IMMP2L: variants seen among roughly 807,000 people sequenced by gnomAD.
The protein encoded by IMMP2L is inner mitochondrial membrane peptidase subunit 2.
In IMMP2L, 18 loss-of-function variants were observed where a neutral mutation model predicts 19.3. The observed-to-expected ratio is 0.93, with a 90% CI of 0.64 to 1.38. The LOEUF is 1.38. Among genes scored for constraint, IMMP2L ranks in the 40% most tolerant of loss-of-function variants. The pLI, the probability that IMMP2L is intolerant of heterozygous loss-of-function variation, is 0.00. For missense variants in IMMP2L, 233 were observed against 218.2 expected, an observed-to-expected ratio of 1.07 and a Z score of -0.43; for synonymous variants, 76 against 73.0, an observed-to-expected ratio of 1.04 and a Z score of -0.21.
At chr7:111,353,490 AC>A (rs1227358789) in intron 3 of IMMP2L, among the ~76,000 whole-genome samples, 39 of 152,216 alleles carry the variant, frequency 2.6e-4, no homozygotes, top group African/African-American at 9.4e-4. Flanking sequence ...AAAACTCAAA[AC>A]CCTTTTCTAT....
At chr7:111,108,965 G>T (rs1798865410) in intron 3 of IMMP2L, among the ~76,000 whole-genome samples, 2 of 152,122 alleles carry the variant, frequency 1.3e-5, no homozygotes, top group Non-Finnish European at 2.9e-5. Flanking sequence ...GAATAAAACG[G>T]AAACAACTTT....
chr7:110,778,002 C>T (rs1799505409), intron 5 of IMMP2L, among the ~76,000 whole-genome samples: 2 of 151,920 alleles, frequency 1.3e-5, no homozygotes, highest in African/African-American at 4.8e-5. Flanking sequence ...CTTAAAACTT[C>T]TTGGCAGTTT....
intron 5 of IMMP2L, among the ~76,000 whole-genome samples, chr7:110,754,109 TAATC>T (rs2130933586): frequency 6.6e-6 from 1 of 152,102 alleles, no homozygotes; most frequent in East Asian, 1.9e-4. Flanking sequence ...TTCCATCAAA[TAATC>T]TATCTATTTT....
At chr7:110,860,274 A>G (rs1481246529) in intron 5 of IMMP2L, among the ~76,000 whole-genome samples, 1 of 152,120 alleles carries the variant, frequency 6.6e-6, no homozygotes, top group Non-Finnish European at 1.5e-5. Flanking sequence ...CCTAAGATTT[A>G]AAAAATATTT....
chr7:111,309,705 A>G (rs183989182), intron 3 of IMMP2L, among the ~76,000 whole-genome samples: 10 of 152,272 alleles, frequency 6.6e-5, no homozygotes, highest in African/African-American at 2.4e-4. Flanking sequence ...TTAAGAATGC[A>G]GACAACAAAT....
At chr7:111,337,451 AGGATGGATGGAT>A (rs140122085) in intron 3 of IMMP2L, among the ~76,000 whole-genome samples, 2,121 of 148,872 alleles carry the variant, frequency 0.014, 66 homozygotes, top group African/African-American at 0.048. Context: ...TTTGGATGGA[AGGATGGATGGAT>A]GGATGGATGG....
intron 3 of IMMP2L, among the ~76,000 whole-genome samples, chr7:111,256,007 T>C (rs1043071163): frequency 1.3e-5 from 2 of 152,124 alleles, no homozygotes; most frequent in Non-Finnish European, 2.9e-5. Flanking sequence ...AGCAGTTTAT[T>C]CCAAACAATA....
Position 111,030,321 on chromosome 7 carries a change from T to TA in IMMP2L, c.240-66757dup, listed in dbSNP as rs199903974. 6.9e-4 allele frequency among the ~76,000 whole-genome samples: 105 copies of TA among 151,608 alleles called. 1 individual carries two copies. Among genetic ancestry groups the TA allele is most frequent in the African/African-American group, 9.4e-4 (39 of 41,386 alleles). On this transcript the variant is annotated intron_variant, in intron 3 of 5. Coordinates refer to ENST00000405709, the MANE Select transcript of IMMP2L (RefSeq NM_032549.4). The stretch of plus-strand genomic sequence containing the variant: ...ATATGTGCTAAAAACTGATGCTACT[T>TA]AAAAAAAAACTGTTTTCCTTTCATT...
At chr7:110,931,224 GA>G (rs768983778) in intron 4 of IMMP2L, among the ~76,000 whole-genome samples, 4 of 152,144 alleles carry the variant, frequency 2.6e-5, no homozygotes, top group Non-Finnish European at 4.4e-5. Flanking sequence ...ACAAAGGAGA[GA>G]ATCAGAGATT....
At chr7:110,973,152 TAAGA>T (rs908105024) in intron 3 of IMMP2L, among the ~76,000 whole-genome samples, 1 of 152,074 alleles carries the variant, frequency 6.6e-6, no homozygotes, top group Non-Finnish European at 1.5e-5. Flanking sequence ...TGAAAATTGC[TAAGA>T]AAGTAGATCT....
At chr7:111,349,859 T>C (rs1407369155) in intron 3 of IMMP2L, among the ~76,000 whole-genome samples, 4 of 152,084 alleles carry the variant, frequency 2.6e-5, no homozygotes, top group Admixed American at 6.6e-5. Flanking sequence ...CTAGTCAAAA[T>C]AAATGTCTCT....
intron 4 of IMMP2L, among the ~76,000 whole-genome samples, chr7:110,944,176 A>T (rs1817004794): frequency 6.6e-6 from 1 of 151,966 alleles, no homozygotes; most frequent in Non-Finnish European, 1.5e-5. Flanking sequence ...CTCCAAAAAT[A>T]AGTCATTGCT....
intron 4 of IMMP2L, among the ~76,000 whole-genome samples, chr7:110,959,659 T>G (rs1043331154): frequency 2.6e-5 from 4 of 151,940 alleles, no homozygotes; most frequent in Non-Finnish European, 4.4e-5. Flanking sequence ...TCAAATAGTT[T>G]TAGAGGCCAC....
Position 110,787,034 on chromosome 7 carries a change from G to T in IMMP2L, c.408+99559C>A, listed in dbSNP as rs146213959. On this transcript the variant is annotated intron_variant, in intron 5 of 5. Transcript: ENST00000405709. ...AAATTACTTTCTTACTCTAAAGCAG[G>T]AAAAAAGAAAAAAAATACAATTTTA... 5.1e-3 allele frequency among the ~76,000 whole-genome samples: 764 copies of T among 150,914 alleles called. 4 individuals are homozygous for T. Among genetic ancestry groups the T allele is most frequent in the Non-Finnish European group, 8.9e-3 (601 of 67,680 alleles).
intron 3 of IMMP2L, among the ~76,000 whole-genome samples, chr7:111,014,607 G>C (rs1226338098): frequency 1.3e-5 from 2 of 151,938 alleles, no homozygotes; most frequent in African/African-American, 4.8e-5. Context: ...TAAAACTTTT[G>C]TGCATCAAAG....
chr7:110,664,318 C>T (rs1377576004), intron 5 of IMMP2L, among the ~76,000 whole-genome samples: 2 of 151,846 alleles, frequency 1.3e-5, no homozygotes, highest in Non-Finnish European at 2.9e-5. Context: ...GGTGGGCTGT[C>T]TCCATGGAGA....
intron 5 of IMMP2L, among the ~76,000 whole-genome samples, chr7:110,764,076 G>C (rs1798510915): frequency 6.6e-6 from 1 of 152,072 alleles, no homozygotes; most frequent in Non-Finnish European, 1.5e-5. Flanking sequence ...ATACATCCTT[G>C]TTTCCATTTA....
chr7:111,440,984 T>G (rs1837653354), intron 3 of IMMP2L, among the ~76,000 whole-genome samples: 1 of 151,906 alleles, frequency 6.6e-6, no homozygotes, highest in Non-Finnish European at 1.5e-5. Context: ...AGCTTCAAAC[T>G]TTTCTTCTGA....
intron 5 of IMMP2L, among the ~76,000 whole-genome samples, chr7:110,738,446 A>G (rs1006535130): frequency 6.6e-6 from 1 of 152,212 alleles, no homozygotes; most frequent in East Asian, 1.9e-4. Context: ...AGTCTCATCC[A>G]TCAAACAAGC....
Sources: allele counts gnomAD v4.1 joint callset (sites outside exome capture counted in the v4.1 genomes callset), GRCh38; gene constraint gnomAD v4.1.1; transcripts MANE v1.5; gene names NCBI Gene and HGNC (gene_info 2026-07-23, HGNC 2026-07-21).